IFT80: variants seen among roughly 807,000 people sequenced by gnomAD.
IFT80 encodes intraflagellar transport 80.
Under a neutral mutation model 107.9 loss-of-function variants are expected in IFT80, and 79 were observed. The ratio of observed to expected loss-of-function variants is 0.73; its 90% CI spans 0.61 to 0.88. IFT80 has a LOEUF of 0.88. IFT80 is among the 40% of genes least tolerant of loss of function. The probability of loss-of-function intolerance (pLI) is 0.00; values close to 1 mark genes in which losing one functional copy is unlikely to be tolerated. For synonymous variants in IFT80, 299 were observed against 300.9 expected, an observed-to-expected ratio of 0.99 and a Z score of 0.07; for missense variants, 797 against 914.2, an observed-to-expected ratio of 0.87 and a Z score of 1.65.
chr3:160,352,729 C>G (rs1720804122), intron 8 of IFT80, among the ~76,000 whole-genome samples: 1 of 152,148 alleles, frequency 6.6e-6, no homozygotes, highest in Non-Finnish European at 1.5e-5. Context: ...AACAGGGCAT[C>G]ACATCATGAA....
intron 9 of IFT80, among the ~76,000 whole-genome samples, chr3:160,309,025 C>T (rs1313439667): frequency 6.6e-6 from 1 of 152,192 alleles, no homozygotes; most frequent in African/African-American, 2.4e-5. Context: ...GCTTCCAAAA[C>T]TGTGAGAAAT....
At chr3:160,357,447 T>G (rs897312839) in intron 7 of IFT80, 42 bp downstream of exon 7, 13 of 1,076,554 alleles carry the variant, frequency 1.2e-5, no homozygotes, top group Non-Finnish European at 1.9e-5. Context: ...TACTTATAAA[T>G]TTGATTATTT....
chr3:160,258,516 G>A lies in IFT80; in HGVS notation c.*9C>T, dbSNP rs200815079. On this transcript the variant is annotated 3_prime_UTR_variant, in exon 20 of 20. Transcript: ENST00000326448. Reference sequence around the variant, plus strand: ...AAAAGATAAAATTTCTTAAAGATACGCATGGCATTTAGGGCTTTAAACCTA... The same window carrying A: ...AAAAGATAAAATTTCTTAAAGATACACATGGCATTTAGGGCTTTAAACCTA... The A allele has an allele frequency of 3.2e-5, 52 of 1,613,472 alleles. No homozygotes were observed. The highest frequency in any genetic ancestry group is 5.0e-5 in the Admixed American group (3 of 59,986).
intron 1 of IFT80, among the ~76,000 whole-genome samples, chr3:160,389,723 T>C (rs1197440153): frequency 5.3e-5 from 8 of 149,928 alleles, no homozygotes; most frequent in South Asian, 2.1e-4. Context: ...CTTAATCCAG[T>C]CTATCATTGT....
At chr3:160,346,604 A>G (rs1720313217) in intron 8 of IFT80, among the ~76,000 whole-genome samples, 1 of 151,968 alleles carries the variant, frequency 6.6e-6, no homozygotes, top group Non-Finnish European at 1.5e-5. Flanking sequence ...CAAGGCTTGC[A>G]TTGTTGCTTG....
At chr3:160,329,242 G>A (rs1371583340) in intron 8 of IFT80, among the ~76,000 whole-genome samples, 2 of 152,094 alleles carry the variant, frequency 1.3e-5, no homozygotes, top group Non-Finnish European at 2.9e-5. Flanking sequence ...TTTATCATGT[G>A]TGCTTTTAAA....
At chr3:160,334,966 G>C (rs1719356694) in intron 8 of IFT80, among the ~76,000 whole-genome samples, 1 of 151,852 alleles carries the variant, frequency 6.6e-6, no homozygotes, top group African/African-American at 2.4e-5. Flanking sequence ...ACAAGTGCTT[G>C]GATACTATTA....
intron 12 of IFT80, among the ~76,000 whole-genome samples, chr3:160,292,919 C>T (rs1715683677): frequency 6.6e-6 from 1 of 152,154 alleles, no homozygotes; most frequent in African/African-American, 2.4e-5. Flanking sequence ...TGTAACTATA[C>T]TTTTAAGCCT....
intron 8 of IFT80, among the ~76,000 whole-genome samples, chr3:160,346,662 T>C (rs1372098421): frequency 6.6e-6 from 1 of 152,052 alleles, no homozygotes; most frequent in Non-Finnish European, 1.5e-5. Context: ...CAAACTATTT[T>C]TGCAGACTGC....
chr3:160,350,825 CG>C (rs1720644411), intron 8 of IFT80, among the ~76,000 whole-genome samples: 1 of 151,264 alleles, frequency 6.6e-6, no homozygotes, highest in Admixed American at 6.6e-5. Context: ...AAAAAAAAAA[CG>C]TATGTTACCT....
At position 160,357,569 on chromosome 3, in the gene IFT80, G is replaced by C; in HGVS notation, c.559C>G (p.His187Asp). ...TCTACTTTTAAAATAATGCCATCAT[G>C]AGCTTTCCACTGTGAGAAAAAAGAA... The part of the protein sequence containing the change: ...PNAKVLQWKA[H>D]DGIILKVDWN... Residue 187 changes from histidine to aspartate, a missense_variant, in exon 7 of 20, where the codon CAT becomes GAT. By Grantham distance (81) the His-to-Asp change is moderately conservative. Coordinates refer to ENST00000326448, the MANE Select transcript of IFT80 (RefSeq NM_020800.3). The C allele has an allele frequency of 6.3e-7, 1 of 1,592,622 alleles. No homozygotes were observed. Among genetic ancestry groups the C allele is most frequent in the Non-Finnish European group, 8.6e-7 (1 of 1,161,358 alleles).
intron 12 of IFT80, among the ~76,000 whole-genome samples, chr3:160,289,327 G>A (rs2108247349): frequency 6.6e-6 from 1 of 152,160 alleles, no homozygotes; most frequent in South Asian, 2.1e-4. Flanking sequence ...AGGAGGGAGA[G>A]GATCAGAAAA....
rs201858128 is a variant in IFT80, at chr3:160,356,080, C to T, written c.710G>A (p.Trp237Ter). The change falls in exon 8 of 20, where the codon TGG becomes TAG. Residue 237 changes from tryptophan to a stop codon, truncating the protein, a stop_gained. Coordinates refer to ENST00000326448, the MANE Select transcript of IFT80 (RefSeq NM_020800.3). LOFTEE classifies it high-confidence loss of function. Reference protein sequence around the residue: ...PHEHPITSVAWAPDGELFAVG... With the variant: ...PHEHPITSVA ...AGCAAATAATTCTCCATCTGGAGCC[C>T]AGGCAACTGAAGTAATGGGATGCTC... 1.1e-5 allele frequency: 18 copies of T among 1,614,142 alleles called. No individual in the cohort carries two copies. The highest frequency in any genetic ancestry group is 1.5e-5 in the Non-Finnish European group (18 of 1,179,978).
At chr3:160,299,400 C>T (rs1458755186) in intron 12 of IFT80, 1 of 211,520 alleles carries the variant, frequency 4.7e-6, no homozygotes, top group African/African-American at 2.3e-5. Flanking sequence ...ATTAGGTCTT[C>T]CGTGGTGTGA....
At chr3:160,261,249 C>T (rs144243410) in intron 19 of IFT80, among the ~76,000 whole-genome samples, 16 of 152,002 alleles carry the variant, frequency 1.1e-4, no homozygotes, top group South Asian at 2.1e-4. Context: ...AAACCACCTT[C>T]GGCTGTTTTC....
intron 12 of IFT80, among the ~76,000 whole-genome samples, chr3:160,300,233 C>T (rs1203615959): frequency 6.6e-6 from 1 of 152,032 alleles, no homozygotes; most frequent in African/African-American, 2.4e-5. Flanking sequence ...ATTTTGTTCA[C>T]CATTGTATCC....
At chr3:160,305,544 G>T (rs1238438598) in intron 10 of IFT80, among the ~76,000 whole-genome samples, 1 of 152,040 alleles carries the variant, frequency 6.6e-6, no homozygotes, top group Non-Finnish European at 1.5e-5. Context: ...TTATGTGAGG[G>T]TTTAATATCC....
At chr3:160,337,607 G>A (rs1026842157) in intron 8 of IFT80, among the ~76,000 whole-genome samples, 2 of 152,094 alleles carry the variant, frequency 1.3e-5, no homozygotes, top group Non-Finnish European at 2.9e-5. Context: ...CTAGGTGACA[G>A]GGTGAGACTC....
rs1388261262 is a variant in IFT80 at position 160,319,940 on chromosome 3, C to A, written c.778-1G>T. Reference sequence around the variant, plus strand: ...TGGGTTTTTCTAATGCATATGACCACTGGGGGAGAAAAAACAAGAAAAAGA... The same window carrying A: ...TGGGTTTTTCTAATGCATATGACCAATGGGGGAGAAAAAACAAGAAAAAGA... On this transcript the variant is annotated splice_acceptor_variant, in intron 8 of 19. Coordinates refer to ENST00000326448, the MANE Select transcript of IFT80 (RefSeq NM_020800.3). LOFTEE classifies it high-confidence loss of function. 1 of 1,608,224 alleles carries A rather than the reference C, an allele frequency of 6.2e-7. No homozygotes were observed.
Sources: gnomAD v4.1 joint callset for allele counts (sites outside exome capture counted in the v4.1 genomes callset) on GRCh38, gnomAD v4.1.1 for gene constraint, MANE v1.5 for transcripts, NCBI Gene and HGNC (gene_info 2026-07-23, HGNC 2026-07-21) for gene names.